The following RAB37 variants were observed in gnomAD, a reference collection of about 807,000 sequenced individuals.
The protein encoded by RAB37 is ras-related protein Rab-37.
RAB37 carries 29 observed loss-of-function variants against 33.1 expected under a neutral mutation model. The observed-to-expected ratio is 0.88, with a 90% CI of 0.65 to 1.20. The LOEUF (loss-of-function observed/expected upper bound fraction) is 1.20. Among genes scored for constraint, RAB37 ranks in the 50% most tolerant of loss-of-function variants. The pLI is 0.00. For synonymous variants in RAB37, 128 were observed against 119.5 expected (o/e 1.07, Z -0.47); for missense variants, 299 against 301.1 (o/e 0.99, Z 0.05).
At chr17:74,702,789 G>A (rs2033174471) in intron 1 of RAB37, among the ~76,000 whole-genome samples, 1 of 152,220 alleles carries the variant, frequency 6.6e-6, no homozygotes, top group Admixed American at 6.5e-5. Context: ...TTATAACACA[G>A]TAAAAGTGGG....
chr17:74,741,379 A>G lies in RAB37; in HGVS notation c.204+501A>G, dbSNP rs1456521853. ...GAAGCGGTCAGATCACAAGGTCAGG[A>G]GTTTGAGACCAGCCTGGCCAACATG... On this transcript the variant is annotated intron_variant, in intron 2 of 8. Transcript: ENST00000392613. Among the ~76,000 whole-genome samples the G allele has an allele frequency of 3.3e-5, 5 of 152,048 alleles. No homozygotes were observed. The East Asian group carries it at 7.7e-4, about 24-fold the overall frequency.
chr17:74,724,596 G>GA (rs1703116485), intron 1 of RAB37, among the ~76,000 whole-genome samples: 1 of 152,250 alleles, frequency 6.6e-6, no homozygotes, highest in Non-Finnish European at 1.5e-5. Context: ...AATCCGAAAA[G>GA]AGAGTCAGCA....
At chr17:74,723,067 T>G (rs186594768) in intron 1 of RAB37, among the ~76,000 whole-genome samples, 1 of 152,232 alleles carries the variant, frequency 6.6e-6, no homozygotes, top group Non-Finnish European at 1.5e-5. Flanking sequence ...CAAGGGTCGA[T>G]ACAACAGCTT....
intron 1 of RAB37, among the ~76,000 whole-genome samples, chr17:74,696,030 T>TA (rs2143555596): frequency 1.3e-5 from 2 of 152,244 alleles, no homozygotes; most frequent in South Asian, 4.1e-4. Flanking sequence ...CTTGTCCCCC[T>TA]GGCTGTTTCC....
At chr17:74,700,778 G>C (rs2032976071) in intron 1 of RAB37, among the ~76,000 whole-genome samples, 1 of 152,022 alleles carries the variant, frequency 6.6e-6, no homozygotes, top group Admixed American at 6.6e-5. Context: ...AAAAAAAACT[G>C]TTGTGGGCTG....
intron 1 of RAB37, chr17:74,712,743 G>A: frequency 6.9e-7 from 1 of 1,447,914 alleles, no homozygotes; most frequent in Non-Finnish European, 9.7e-7. Context: ...ACACCTTCTG[G>A]CCGGGTCCCT....
In RAB37 at chr17:74,744,290, G is replaced by A. The variant is rs745385441; in HGVS notation, c.367-18G>A. On this transcript the variant is annotated intron_variant, in intron 5 of 8. Transcript: ENST00000392613. This position sits in a 1 kb window ranked among gnomAD's most constrained non-coding sequence, Gnocchi z 4.2. ...GCAGGAGGAAGAGAATGCCAGTCTC[G>A]CACGCCCTCTCCCACAGGCCTGGCT... 13 of 1,609,740 alleles carry A rather than the reference G, an allele frequency of 8.1e-6. No individual in the cohort carries two copies. The highest frequency in any genetic ancestry group is 4.5e-5 in the East Asian group (2 of 44,832).
At chr17:74,705,741 C>T (rs2033452571) in intron 1 of RAB37, among the ~76,000 whole-genome samples, 1 of 152,070 alleles carries the variant, frequency 6.6e-6, no homozygotes, top group African/African-American at 2.4e-5. Context: ...ACTACAGGCA[C>T]ATGCCTCCAC....
At chr17:74,726,957 C>T (rs1466906837) in intron 1 of RAB37, among the ~76,000 whole-genome samples, 1 of 152,244 alleles carries the variant, frequency 6.6e-6, no homozygotes. Context: ...ATTCATTCAT[C>T]CATTCATTGA....
intron 1 of RAB37, among the ~76,000 whole-genome samples, chr17:74,700,005 G>C (rs1211664246): frequency 6.6e-6 from 1 of 151,890 alleles, no homozygotes; most frequent in Non-Finnish European, 1.5e-5. Flanking sequence ...AGCTGGGTGG[G>C]GTGGCGTGTG....
chr17:74,727,446 C>T (rs1450560258), intron 1 of RAB37, among the ~76,000 whole-genome samples: 1 of 152,242 alleles, frequency 6.6e-6, no homozygotes. Context: ...GCATCCCAGA[C>T]CACCTTGCAG....
chr17:74,680,496 A>T lies in RAB37; in HGVS notation c.72+8838A>T, dbSNP rs1483801668. 5.3e-5 allele frequency among the ~76,000 whole-genome samples: 8 copies of T among 152,134 alleles called. No homozygotes were observed. In the South Asian group the frequency reaches 1.5e-3, roughly 28 times the overall value. On this transcript the variant is annotated intron_variant, in intron 1 of 7. Transcript: ENST00000340415. ...CTAAGCATGAAATCCAGGGGAAAAA[A>T]TGGAACTTGGAGGATTCAAATGTTT...
chr17:74,706,629 T>C (rs765676085), intron 1 of RAB37, among the ~76,000 whole-genome samples: 3 of 151,956 alleles, frequency 2.0e-5, no homozygotes, highest in Non-Finnish European at 2.9e-5. Context: ...GATGGCGCCA[T>C]AGCACTCCAG....
intron 1 of RAB37, among the ~76,000 whole-genome samples, chr17:74,728,621 C>T (rs1253578129): frequency 6.8e-6 from 1 of 148,138 alleles, no homozygotes; most frequent in Non-Finnish European, 1.5e-5. Flanking sequence ...GTGTGTGTGC[C>T]TCTGTATGCA....
chr17:74,671,733 C>T lies in RAB37; in HGVS notation c.72+75C>T, dbSNP rs955604676. ...CCAGGAGTTTTCTCCACTCCCCTGA[C>T]TTTGCTTTGGGACTTAATGAGAAAC... On this transcript the variant is annotated intron_variant, in intron 1 of 7. Coordinates refer to the RAB37 transcript ENST00000340415. This position sits in a 1 kb window ranked among gnomAD's most constrained non-coding sequence, Gnocchi z 5.0. The T allele has an allele frequency of 7.4e-7, 1 of 1,358,726 alleles. No homozygotes were observed. The highest frequency in any genetic ancestry group is 1.4e-5 in the African/African-American group (1 of 69,822). 84.2% of individuals were successfully genotyped at this position (1,358,726 alleles called of 1,614,324 possible). A position where few individuals can be genotyped will look rare whatever the true frequency, so the allele number is the denominator to read the frequency against.
chr17:74,681,016 A>G (rs1234761467), intron 1 of RAB37, among the ~76,000 whole-genome samples: 4 of 152,222 alleles, frequency 2.6e-5, no homozygotes, highest in Admixed American at 1.3e-4. Flanking sequence ...CAATTCAGCA[A>G]ATATTTACTG....
rs1022123084 is a variant in RAB37 at position 74,744,506 on chromosome 17, A to T, written c.432+133A>T. On this transcript the variant is annotated intron_variant, in intron 6 of 8. Coordinates refer to ENST00000392613, the MANE Select transcript of RAB37 (RefSeq NM_001006638.3). This position sits in a 1 kb window ranked among gnomAD's most constrained non-coding sequence, Gnocchi z 4.2. ...CTGCAGCCTCCAGCTCAGGGGTCAGACATATCTGGAGGCTTCTGCCCATCC... is the reference window on the plus strand; with the variant it reads ...CTGCAGCCTCCAGCTCAGGGGTCAGTCATATCTGGAGGCTTCTGCCCATCC... The T allele has an allele frequency of 8.3e-6, 7 of 838,434 alleles. No homozygotes were observed. The African/African-American group carries it at 1.2e-4, about 14-fold the overall frequency. The allele number at this position is 838,434 out of a possible 1,614,324, so 51.9% of individuals were successfully genotyped here.
intron 1 of RAB37, among the ~76,000 whole-genome samples, chr17:74,728,407 G>A (rs1241955533): frequency 6.6e-6 from 1 of 151,098 alleles, no homozygotes; most frequent in Non-Finnish European, 1.5e-5. Context: ...GCATGTGTGT[G>A]TTCTTTCTAT....
chr17:74,686,977 T>C (rs2032066247), intron 1 of RAB37, among the ~76,000 whole-genome samples: 1 of 152,192 alleles, frequency 6.6e-6, no homozygotes, highest in Non-Finnish European at 1.5e-5. Flanking sequence ...CTCTGCGTCA[T>C]TGATAGAGGG....
Sources: allele counts gnomAD v4.1 joint callset (sites outside exome capture counted in the v4.1 genomes callset), GRCh38; gene constraint gnomAD v4.1.1; non-coding constraint Gnocchi (gnomAD v3.1); transcripts MANE v1.5; gene names NCBI Gene and HGNC (gene_info 2026-07-23, HGNC 2026-07-21).